DHRSX: variants seen among roughly 807,000 people sequenced by gnomAD.
The protein encoded by DHRSX is polyprenol dehydrogenase.
In DHRSX, 31 loss-of-function variants were observed where a neutral mutation model predicts 34.0. That is an observed-to-expected ratio of 0.91 (90% CI 0.69 to 1.23). The LOEUF (loss-of-function observed/expected upper bound fraction) is 1.23. Among genes scored for constraint, DHRSX ranks in the 50% most tolerant of loss-of-function variants. The pLI, the probability that DHRSX is intolerant of heterozygous loss-of-function variation, is 0.00. For missense variants in DHRSX, 414 were observed against 428.1 expected (o/e 0.97, Z 0.29); for synonymous variants, 201 against 183.8 (o/e 1.09, Z -0.76).
At chrX:2,428,812 C>T (rs2043881593) in intron 1 of DHRSX, among the ~76,000 whole-genome samples, 1 of 152,116 alleles carries the variant, frequency 6.6e-6, no homozygotes, top group Admixed American at 6.6e-5. Flanking sequence ...TTTTCCATTT[C>T]ACCTTTCCAA....
Position 2,355,511 on chromosome X carries a change from T to TAAAAAAA in DHRSX, c.286+53227_286+53233dup, listed in dbSNP as rs767512287. ...TGGGTGACAAGAGCGAGACCCCATC[T>TAAAAAAA]AAAAAAAAAAAAAAAAAAAAAAAAA... is the stretch of plus-strand genomic sequence containing the variant. On this transcript the variant is annotated intron_variant, in intron 3 of 6. Transcript: ENST00000334651. Among the ~76,000 whole-genome samples the TAAAAAAA allele has an allele frequency of 1.8e-3, 136 of 75,264 alleles. 9 individuals carry two copies. Among genetic ancestry groups the TAAAAAAA allele is most frequent in the East Asian group, 3.6e-3 (4 of 1,096 alleles). 49.4% of individuals were successfully genotyped at this position (75,264 alleles called of 152,430 possible).
chrX:2,476,477 G>A (rs902673728), intron 1 of DHRSX, among the ~76,000 whole-genome samples: 5 of 151,712 alleles, frequency 3.3e-5, no homozygotes, highest in Admixed American at 6.6e-5. Flanking sequence ...AAAAATATCT[G>A]TAATAGTGCA....
chrX:2,488,317 G>A (rs753552308), intron 1 of DHRSX: 53 of 306,940 alleles, frequency 1.7e-4, no homozygotes, highest in Admixed American at 1.2e-3. Flanking sequence ...TGGGATTACA[G>A]GCACATGCCA....
chrX:2,240,175 C>A (rs2016107924), intron 6 of DHRSX, among the ~76,000 whole-genome samples: 5 of 151,896 alleles, frequency 3.3e-5, no homozygotes, highest in Admixed American at 3.3e-4. Context: ...TGCCTGCAGT[C>A]CCAGCTACTC....
chrX:2,254,178 T>C (rs955657486), intron 5 of DHRSX, among the ~76,000 whole-genome samples: 3 of 152,234 alleles, frequency 2.0e-5, no homozygotes, highest in Non-Finnish European at 4.4e-5. Flanking sequence ...TCCTTTTATA[T>C]GGATCAACAG....
chrX:2,471,576 A>C (rs1256710642), intron 1 of DHRSX, among the ~76,000 whole-genome samples: 1 of 151,782 alleles, frequency 6.6e-6, no homozygotes. Flanking sequence ...AAAAAAAAAA[A>C]AGACATTTAC....
At chrX:2,257,060 A>C (rs2041289415) in intron 5 of DHRSX, among the ~76,000 whole-genome samples, 1 of 152,106 alleles carries the variant, frequency 6.6e-6, no homozygotes, top group Admixed American at 6.6e-5. Context: ...AGTTGAAGCA[A>C]TTATCCTGCC....
intron 3 of DHRSX, among the ~76,000 whole-genome samples, chrX:2,391,807 A>G (rs994284873): frequency 3.3e-5 from 5 of 152,084 alleles, no homozygotes; most frequent in African/African-American, 1.2e-4. Context: ...CACACCTGTA[A>G]TCCCAGCTAC....
intron 1 of DHRSX, among the ~76,000 whole-genome samples, chrX:2,476,249 T>C (rs1454965458): frequency 6.6e-6 from 1 of 151,432 alleles, no homozygotes; most frequent in Non-Finnish European, 1.5e-5. Context: ...CAAAAAAAAA[T>C]TAGCCAGGCA....
chrX:2,268,746 A>G (rs2041509288), intron 4 of DHRSX, among the ~76,000 whole-genome samples: 1 of 152,184 alleles, frequency 6.6e-6, no homozygotes, highest in African/African-American at 2.4e-5. Flanking sequence ...TGTATATATT[A>G]TATGTTTCTA....
rs1410820310 is a variant in DHRSX, at chrX:2,390,769, C to A, written c.286+17976G>T. Among the ~76,000 whole-genome samples, 2 of 152,246 alleles carry A rather than the reference C, an allele frequency of 1.3e-5. 1 individual carries two copies. The highest frequency in any genetic ancestry group is 1.3e-4 in the Admixed American group (2 of 15,290). On this transcript the variant is annotated intron_variant, in intron 3 of 6. Coordinates refer to ENST00000334651, the MANE Select transcript of DHRSX (RefSeq NM_145177.3). ...TTGGGGATTGGTTTATTTCACTTAG[C>A]ATTAATGTCCTCAAGGTTAGCCCAC...
intron 4 of DHRSX, among the ~76,000 whole-genome samples, chrX:2,270,113 G>T (rs1347409197): frequency 6.6e-6 from 1 of 152,070 alleles, no homozygotes; most frequent in Non-Finnish European, 1.5e-5. Context: ...GCTTCTGTGT[G>T]TACTGTAATA....
chrX:2,409,375 T>C (rs1319572291), intron 2 of DHRSX, among the ~76,000 whole-genome samples: 1 of 152,174 alleles, frequency 6.6e-6, no homozygotes, highest in Admixed American at 6.5e-5. Flanking sequence ...GCTGCACCCA[T>C]CAACCCATCA....
intron 3 of DHRSX, among the ~76,000 whole-genome samples, chrX:2,406,069 G>A (rs1197622233): frequency 2.6e-5 from 4 of 152,112 alleles, no homozygotes; most frequent in Non-Finnish European, 2.9e-5. Flanking sequence ...TGAGGCGAAC[G>A]GATCACGAGG....
chrX:2,322,276 T>C (rs2042320676), intron 3 of DHRSX, among the ~76,000 whole-genome samples: 1 of 152,040 alleles, frequency 6.6e-6, no homozygotes, highest in South Asian at 2.1e-4. Context: ...TTATCAGGCG[T>C]GGTGGCTCAA....
chrX:2,453,452 G>A (rs1325709570), intron 1 of DHRSX, among the ~76,000 whole-genome samples: 2 of 150,888 alleles, frequency 1.3e-5, no homozygotes, highest in East Asian at 1.9e-4. Flanking sequence ...CAGGAGGATC[G>A]CTTCAGCCCA....
intron 3 of DHRSX, among the ~76,000 whole-genome samples, chrX:2,358,744 A>G (rs1271258633): frequency 1.3e-5 from 2 of 152,132 alleles, no homozygotes; most frequent in Admixed American, 6.6e-5. Flanking sequence ...GTAAATGGCG[A>G]ATTTAAATCC....
chrX:2,326,506 G>C (rs1435146424), intron 3 of DHRSX, among the ~76,000 whole-genome samples: 1 of 152,098 alleles, frequency 6.6e-6, no homozygotes, highest in African/African-American at 2.4e-5. Flanking sequence ...CTGAGTGACA[G>C]AGCGAGACTC....
At chrX:2,249,982 T>A (rs2016398796) in intron 5 of DHRSX, among the ~76,000 whole-genome samples, 1 of 151,404 alleles carries the variant, frequency 6.6e-6, no homozygotes, top group Non-Finnish European at 1.5e-5. Context: ...GCTAACACGG[T>A]GAAACCCCGT....
Sources: gnomAD v4.1 joint callset for allele counts (sites outside exome capture counted in the v4.1 genomes callset) on GRCh38, gnomAD v4.1.1 for gene constraint, MANE v1.5 for transcripts, NCBI Gene and HGNC (gene_info 2026-07-23, HGNC 2026-07-21) for gene names.